Variants in RFPL1 observed in about 807,000 individuals in gnomAD.
RFPL1 encodes the protein ret finger protein-like 1.
A neutral mutation model predicts 9.6 loss-of-function variants in RFPL1; 6 were observed. The ratio of observed to expected loss-of-function variants is 0.62; its 90% CI spans 0.34 to 1.23. The LOEUF is 1.23. Ranked by LOEUF, RFPL1 falls within the 50% of genes most tolerant of loss-of-function variation. The pLI, the probability that RFPL1 is intolerant of heterozygous loss-of-function variation, is 0.03. For missense variants in RFPL1, 352 were observed against 398.4 expected, an observed-to-expected ratio of 0.88 and a Z score of 0.99; for synonymous variants, 145 against 149.4, an observed-to-expected ratio of 0.97 and a Z score of 0.22.
chr22:29,404,290 T>C, the RFPL1 span, among the ~76,000 whole-genome samples: 1 of 152,250 alleles, frequency 6.6e-6, no homozygotes, highest in African/African-American at 2.4e-5. Flanking sequence ...GTAGCCAAAG[T>C]GCGTGTTTTC....
the RFPL1 span, among the ~76,000 whole-genome samples, chr22:29,396,744 G>A: frequency 6.6e-6 from 1 of 152,100 alleles, no homozygotes; most frequent in Admixed American, 6.6e-5. Context: ...CTCCCAAAGT[G>A]CTGGGACTAC....
the RFPL1 span, among the ~76,000 whole-genome samples, chr22:29,392,057 A>G: frequency 6.6e-6 from 1 of 152,146 alleles, no homozygotes; most frequent in Non-Finnish European, 1.5e-5. Context: ...TGCCTGGACA[A>G]GTAGAAGGTT....
At chr22:29,436,382 G>A (rs1424134568), upstream of RFPL1, among the ~76,000 whole-genome samples, 1 of 151,906 alleles carries the variant, frequency 6.6e-6, no homozygotes, top group Non-Finnish European at 1.5e-5. Context: ...CCTGAGGTCA[G>A]GAGTTAGAGA....
the RFPL1 span, among the ~76,000 whole-genome samples, chr22:29,416,611 T>C: frequency 6.6e-6 from 1 of 152,210 alleles, no homozygotes; most frequent in African/African-American, 2.4e-5. Flanking sequence ...TACTTTGGGC[T>C]GCTGGTTCTG....
the RFPL1 span, among the ~76,000 whole-genome samples, chr22:29,413,752 C>T: frequency 1.3e-5 from 2 of 152,068 alleles, no homozygotes; most frequent in Admixed American, 6.5e-5. Flanking sequence ...AGCAGGTTAG[C>T]GCTTTAAGAA....
chr22:29,435,633 A>G (rs2062805022), upstream of RFPL1, among the ~76,000 whole-genome samples: 1 of 152,218 alleles, frequency 6.6e-6, no homozygotes, highest in African/African-American at 2.4e-5. Flanking sequence ...TTTCTTGCTC[A>G]GACACTGAAT....
the RFPL1 span, among the ~76,000 whole-genome samples, chr22:29,424,839 C>CCCCT: frequency 8.9e-6 from 1 of 111,732 alleles, no homozygotes; most frequent in East Asian, 3.4e-4. Flanking sequence ...TCCCACCCCC[C>CCCCT]CCCCCGCAAA....
chr22:29,440,545 ATCAG>A (rs1274958937), intron 1 of RFPL1: 6 of 152,046 alleles, frequency 3.9e-5, no homozygotes, highest in Admixed American at 3.9e-4. Context: ...ATTCTCTACG[ATCAG>A]TCAGTTATGA....
At chr22:29,424,954 C>T in the RFPL1 span, among the ~76,000 whole-genome samples, 1 of 151,816 alleles carries the variant, frequency 6.6e-6, no homozygotes, top group Admixed American at 6.6e-5. Flanking sequence ...CCTGTAATCC[C>T]AGCACTTTGG....
chr22:29,437,946 G>T, upstream of RFPL1: 1 of 437,260 alleles, frequency 2.3e-6, no homozygotes, highest in Non-Finnish European at 3.9e-6. Flanking sequence ...GGCTGGAGAA[G>T]GATGTGATTT....
At chr22:29,418,947 C>G in the RFPL1 span, among the ~76,000 whole-genome samples, 1 of 152,212 alleles carries the variant, frequency 6.6e-6, no homozygotes, top group African/African-American at 2.4e-5. Context: ...AGTTAACTCA[C>G]TCCATCACCA....
At chr22:29,437,642 C>T (rs2062814933), upstream of RFPL1, 3 of 1,594,200 alleles carry the variant, frequency 1.9e-6, no homozygotes, top group East Asian at 4.5e-5. Context: ...GGAATCTCAC[C>T]AATAAAACGC....
chr22:29,408,768 G>C, the RFPL1 span, among the ~76,000 whole-genome samples: 1 of 152,180 alleles, frequency 6.6e-6, no homozygotes, highest in African/African-American at 2.4e-5. Context: ...CTTACAAACT[G>C]TTTGGTAGTG....
At chr22:29,420,626 GTTTTTTGCTTTT>G in the RFPL1 span, among the ~76,000 whole-genome samples, 36 of 82,582 alleles carry the variant, frequency 4.4e-4, no homozygotes, top group African/African-American at 1.9e-3. Flanking sequence ...ACTGCAGATG[GTTTTTTGCTTTT>G]TTTTTTTTTT....
chr22:29,391,783 G>A, the RFPL1 span, among the ~76,000 whole-genome samples: 7 of 152,170 alleles, frequency 4.6e-5, no homozygotes, highest in Admixed American at 6.5e-5. Flanking sequence ...CCACCCCCAC[G>A]CCCAGTGCAA....
chr22:29,417,762 G>T, the RFPL1 span, among the ~76,000 whole-genome samples: 1 of 151,754 alleles, frequency 6.6e-6, no homozygotes, highest in African/African-American at 2.4e-5. Flanking sequence ...TTAAAATCCA[G>T]TCTCTGCCTT....
chr22:29,435,590 T>C (rs77440499), upstream of RFPL1, among the ~76,000 whole-genome samples: 2,430 of 152,122 alleles, frequency 0.016, 54 homozygotes, highest in African/African-American at 0.056. Context: ...TAAAGTTAAC[T>C]TGGCTCCCTA....
the RFPL1 span, among the ~76,000 whole-genome samples, chr22:29,416,167 A>G: frequency 6.6e-6 from 1 of 152,240 alleles, no homozygotes; most frequent in Non-Finnish European, 1.5e-5. Flanking sequence ...GGCCACAGTC[A>G]AAGGGAAAAC....
the RFPL1 span, among the ~76,000 whole-genome samples, chr22:29,431,169 C>T: frequency 2.0e-5 from 3 of 152,102 alleles, no homozygotes; most frequent in African/African-American, 7.2e-5. Flanking sequence ...ATGGAGGAGA[C>T]ACACATCCAG....
Sources: allele counts gnomAD v4.1 joint callset (sites outside exome capture counted in the v4.1 genomes callset), GRCh38; gene constraint gnomAD v4.1.1; transcripts MANE v1.5; gene names NCBI Gene and HGNC (gene_info 2026-07-23, HGNC 2026-07-21).